The following SMURF1 variants were observed in gnomAD, a reference collection of about 807,000 sequenced individuals.
SMURF1 encodes E3 ubiquitin-protein ligase SMURF1.
A neutral mutation model predicts 98.0 loss-of-function variants in SMURF1; 44 were observed. That is an observed-to-expected ratio of 0.45 (90% CI 0.35 to 0.58). The LOEUF (loss-of-function observed/expected upper bound fraction) is 0.58. SMURF1 is among the 20% of genes least tolerant of loss of function. The probability of loss-of-function intolerance (pLI) is 0.00; values close to 1 mark genes in which losing one functional copy is unlikely to be tolerated. For synonymous variants in SMURF1, 396 were observed against 374.9 expected, an observed-to-expected ratio of 1.06 and a Z score of -0.65; for missense variants, 687 against 938.4, an observed-to-expected ratio of 0.73 and a Z score of 3.50.
At position 99,028,483 on chromosome 7, in the gene SMURF1, C is replaced by G. The variant is rs2116912189; in HGVS notation, c.*2101G>C. The G allele has an allele frequency of 1.3e-5, 2 of 152,340 alleles. No homozygotes were observed. Among genetic ancestry groups the G allele is most frequent in the Middle Eastern group, 3.4e-3 (1 of 294 alleles). The allele number at this position is 152,340 out of a possible 1,614,324, so 9.4% of individuals were successfully genotyped here. ...GGGTCACCTGTGGAGGACCCGGGACCCAGCCCTCTGGCTCTGGGCTGAAGC... is the reference window on the plus strand; with the variant it reads ...GGGTCACCTGTGGAGGACCCGGGACGCAGCCCTCTGGCTCTGGGCTGAAGC... On this transcript the variant is annotated 3_prime_UTR_variant, in exon 18 of 18. Coordinates refer to ENST00000361368, the MANE Select transcript of SMURF1 (RefSeq NM_181349.3).
intron 1 of SMURF1, among the ~76,000 whole-genome samples, chr7:99,074,854 C>T (rs1796414070): frequency 6.6e-6 from 1 of 152,036 alleles, no homozygotes; most frequent in African/African-American, 2.4e-5. Flanking sequence ...ACAGTGAGAC[C>T]CTATCTCTAT....
At chr7:99,053,177 AC>A (rs538240715) in intron 6 of SMURF1, among the ~76,000 whole-genome samples, 13 of 152,154 alleles carry the variant, frequency 8.5e-5, no homozygotes, top group Non-Finnish European at 1.6e-4. Context: ...ATCAATCTTC[AC>A]CCCCTGAGCA....
chr7:99,087,259 C>A (rs1796703313), intron 1 of SMURF1, among the ~76,000 whole-genome samples: 1 of 151,934 alleles, frequency 6.6e-6, no homozygotes, highest in South Asian at 2.1e-4. Context: ...GTGCCATATG[C>A]CTATGGTCCC....
intron 1 of SMURF1, among the ~76,000 whole-genome samples, chr7:99,114,663 G>A (rs938815374): frequency 1.2e-4 from 18 of 152,166 alleles, no homozygotes; most frequent in Middle Eastern, 3.4e-3. Flanking sequence ...TATACCTAAC[G>A]GACATATACA....
chr7:99,112,561 C>T (rs1474533306), intron 1 of SMURF1, among the ~76,000 whole-genome samples: 1 of 152,144 alleles, frequency 6.6e-6, no homozygotes, highest in South Asian at 2.1e-4. Context: ...TTATAATATA[C>T]AAAAAATCCA....
At chr7:99,043,016 C>CT (rs1373017856) in intron 11 of SMURF1, among the ~76,000 whole-genome samples, 5 of 152,196 alleles carry the variant, frequency 3.3e-5, no homozygotes, top group African/African-American at 1.2e-4. Flanking sequence ...TATAAAGTCT[C>CT]TTTTTACTAC....
Position 99,126,271 on chromosome 7 carries a change from A to G in SMURF1, c.55+17455T>C, listed in dbSNP as rs1298620112. Among the ~76,000 whole-genome samples the G allele has an allele frequency of 3.4e-5, 5 of 147,712 alleles. No homozygotes were observed. The East Asian group carries it at 7.7e-4, about 23-fold the overall frequency. On this transcript the variant is annotated intron_variant, in intron 1 of 17. Transcript: ENST00000361368. ...TTCTAATGCAAAAATTATAAGCCTT[A>G]ATATTAAAGAATCAAGCCTCATTTC... is the stretch of plus-strand genomic sequence containing the variant.
At chr7:99,058,097 TATAAC>T (rs1795929583) in intron 3 of SMURF1, among the ~76,000 whole-genome samples, 1 of 152,156 alleles carries the variant, frequency 6.6e-6, no homozygotes, top group South Asian at 2.1e-4. Context: ...ATAATAATCT[TATAAC>T]AGACTTACTA....
chr7:99,120,637 A>C (rs1444735159), intron 1 of SMURF1: 1 of 151,594 alleles, frequency 6.6e-6, no homozygotes, highest in African/African-American at 2.4e-5. Context: ...AAAAAAAAAA[A>C]CAAACCTGGA....
chr7:99,131,501 T>C (rs1390822547), intron 1 of SMURF1, among the ~76,000 whole-genome samples: 1 of 151,902 alleles, frequency 6.6e-6, no homozygotes, highest in Non-Finnish European at 1.5e-5. Flanking sequence ...CCTAGTACTT[T>C]GGGAGACCAA....
chr7:99,086,585 C>T (rs899009339), intron 1 of SMURF1, among the ~76,000 whole-genome samples: 17 of 152,108 alleles, frequency 1.1e-4, no homozygotes, highest in Non-Finnish European at 1.8e-4. Flanking sequence ...AAAGTGACAA[C>T]ATATGGTCAC....
chr7:99,143,406 G>A (rs1361978670), intron 1 of SMURF1, among the ~76,000 whole-genome samples: 8 of 144,220 alleles, frequency 5.5e-5, no homozygotes, highest in African/African-American at 1.0e-4. Context: ...GAGGGGCGGG[G>A]CCAGGGAAGG....
At chr7:99,065,096 GTTTT>G (rs796330639) in intron 1 of SMURF1, among the ~76,000 whole-genome samples, 4 of 145,752 alleles carry the variant, frequency 2.7e-5, no homozygotes, top group African/African-American at 7.5e-5. Context: ...AGTGAGTTGG[GTTTT>G]TTTTTTTTCT....
intron 1 of SMURF1, among the ~76,000 whole-genome samples, chr7:99,084,136 T>C (rs986799124): frequency 1.3e-5 from 2 of 152,250 alleles, no homozygotes; most frequent in Non-Finnish European, 2.9e-5. Flanking sequence ...ATTCTTCAGG[T>C]TACTGCTCAA....
chr7:99,112,997 AT>A (rs972864271), intron 1 of SMURF1, among the ~76,000 whole-genome samples: 3 of 151,616 alleles, frequency 2.0e-5, no homozygotes, highest in Non-Finnish European at 4.4e-5. Flanking sequence ...ATAAAAAAAA[AT>A]TTTTTTTAAA....
At chr7:99,047,496 C>T (rs746022367) in intron 10 of SMURF1, among the ~76,000 whole-genome samples, 188 bp downstream of exon 10, 1 of 152,228 alleles carries the variant, frequency 6.6e-6, no homozygotes, top group Non-Finnish European at 1.5e-5. Context: ...AAACTCTGCA[C>T]TTCCCTTAGT....
chr7:99,100,655 C>T (rs747709471), intron 1 of SMURF1, among the ~76,000 whole-genome samples: 18 of 152,190 alleles, frequency 1.2e-4, no homozygotes, highest in Non-Finnish European at 2.5e-4. Context: ...GAGACTAAAG[C>T]AGATTTATTT....
Position 99,143,821 on chromosome 7 carries a change from G to GC in SMURF1, c.-42dup, listed in dbSNP as rs753769421. 5.5e-6 allele frequency: 8 copies of GC among 1,467,114 alleles called. No homozygotes were observed. The highest frequency in any genetic ancestry group is 3.2e-5 in the East Asian group (1 of 31,124). 90.9% of individuals were successfully genotyped at this position (1,467,114 alleles called of 1,614,324 possible). ...GGGCAGCCGCGGATCCAGCGCCACC[G>GC]CCCCCCAGCCCGGCCCGGCCCGGCC... On this transcript the variant is annotated 5_prime_UTR_variant, in exon 1 of 18. Transcript: ENST00000361368.
At chr7:99,132,569 G>A (rs1797892745) in intron 1 of SMURF1, among the ~76,000 whole-genome samples, 1 of 152,136 alleles carries the variant, frequency 6.6e-6, no homozygotes, top group Admixed American at 6.5e-5. Context: ...GTGAGGGAGG[G>A]ACTATGAAGG....
Sources: allele counts gnomAD v4.1 joint callset (sites outside exome capture counted in the v4.1 genomes callset), GRCh38; gene constraint gnomAD v4.1.1; transcripts MANE v1.5; gene names NCBI Gene and HGNC (gene_info 2026-07-23, HGNC 2026-07-21).